The following KIR2DL4 variants were observed in gnomAD, a reference collection of about 807,000 sequenced individuals.
KIR2DL4 encodes killer cell immunoglobulin-like receptor 2DL4.
Under a neutral mutation model 31.0 loss-of-function variants are expected in KIR2DL4, and 41 were observed. The observed-to-expected ratio is 1.32, with a 90% CI of 1.03 to 1.72. The LOEUF (loss-of-function observed/expected upper bound fraction) is 1.72. Among genes scored for constraint, KIR2DL4 ranks in the 40% most tolerant of loss-of-function variants. KIR2DL4 has a pLI of 0.00. For missense variants in KIR2DL4, 438 were observed against 353.7 expected (o/e 1.24, Z -1.91); for synonymous variants, 164 against 133.6 (o/e 1.23, Z -1.57).
intron 5 of KIR2DL4, among the ~76,000 whole-genome samples, chr19:54,811,667 C>A (rs2060876322): frequency 6.6e-6 from 1 of 151,342 alleles, no homozygotes; most frequent in East Asian, 1.9e-4. Flanking sequence ...CCCAAATCCC[C>A]CACCTCACCC....
chr19:54,813,057 A>T, intron 5 of KIR2DL4: 1 of 1,240,836 alleles, frequency 8.1e-7, no homozygotes. Context: ...GCAACCAAGA[A>T]ATGAGAGACA....
intron 5 of KIR2DL4, among the ~76,000 whole-genome samples, chr19:54,809,092 G>C (rs1238799719): frequency 6.6e-6 from 1 of 151,332 alleles, no homozygotes; most frequent in Non-Finnish European, 1.5e-5. Context: ...CTGCTGCTGA[G>C]ACCTCAGGGT....
intron 5 of KIR2DL4, among the ~76,000 whole-genome samples, chr19:54,810,558 T>A (rs2060802119): frequency 6.6e-6 from 1 of 151,614 alleles, no homozygotes; most frequent in African/African-American, 2.4e-5. Flanking sequence ...GCGGAAGGAT[T>A]TTCCACACAG....
chr19:54,806,254 G>C lies in KIR2DL4; in HGVS notation c.655+10G>C. Reference sequence around the variant, plus strand: ...CCTGTTTCTGTCACAGGTGAGGAAAGCCAATGTCTGTCCCATGTCCTATGG... The same window carrying C: ...CCTGTTTCTGTCACAGGTGAGGAAACCCAATGTCTGTCCCATGTCCTATGG... On this transcript the variant is annotated intron_variant, in intron 4 of 7. Coordinates refer to ENST00000359085, the Ensembl canonical transcript of KIR2DL4. 1 of 1,607,128 alleles carries C rather than the reference G, an allele frequency of 6.2e-7. No individual in the cohort carries two copies. The highest frequency in any genetic ancestry group is 1.7e-5 in the Admixed American group (1 of 59,766).
rs983535695 is a variant in KIR2DL4, at chr19:54,805,723, C to A, written c.362-228C>A. ...CCCAGGTGAAGGACAAGTTAAAAAA[C>A]CAAACAAGAAGGTTGGCTACCCTGA... On this transcript the variant is annotated intron_variant, in intron 3 of 7. Transcript: ENST00000359085. Among the ~76,000 whole-genome samples, 3 of 151,118 alleles carry A rather than the reference C, an allele frequency of 2.0e-5. 1 individual carries two copies. Among genetic ancestry groups the A allele is most frequent in the African/African-American group, 4.9e-5 (2 of 40,852 alleles).
exon 8 of KIR2DL4, chr19:54,814,260 C>G (rs1289040967): frequency 1.1e-6 from 1 of 869,884 alleles, no homozygotes; most frequent in Non-Finnish European, 1.8e-6. Context: ...TTTCACTTGA[C>G]CCCTGCCCAC....
Position 54,813,579 on chromosome 19 carries a change from G to A in KIR2DL4, c.811-111G>A, listed in dbSNP as rs2061007832. On this transcript the variant is annotated intron_variant, in intron 6 of 7. Coordinates refer to ENST00000359085, the Ensembl canonical transcript of KIR2DL4. ...GAATGTCTGAGTCTGGCTGTTGGCA[G>A]CTGAGGGACCTCAGGCACCTATGGC... 17 of 1,110,150 alleles carry A rather than the reference G, an allele frequency of 1.5e-5. 1 individual carries two copies. The highest frequency in any genetic ancestry group is 5.3e-5 in the South Asian group (4 of 75,696). The allele number at this position is 1,110,150 out of a possible 1,614,324, so 68.8% of individuals were successfully genotyped here.
chr19:54,806,104 C>A, exon 4 of KIR2DL4: 1 of 1,612,132 alleles, frequency 6.2e-7, no homozygotes, highest in Non-Finnish European at 8.5e-7. Context: ...CCTGCAGTGC[C>A]CAGCATCAAT....
intron 5 of KIR2DL4, among the ~76,000 whole-genome samples, chr19:54,809,782 TG>T (rs2060747393): frequency 6.6e-6 from 1 of 151,466 alleles, no homozygotes; most frequent in Non-Finnish European, 1.5e-5. Flanking sequence ...GGCATTCTAT[TG>T]GAAACACCAA....
chr19:54,810,297 TA>T (rs1226177726), intron 5 of KIR2DL4, among the ~76,000 whole-genome samples: 1 of 137,766 alleles, frequency 7.3e-6, no homozygotes, highest in African/African-American at 2.6e-5. Context: ...TTTTTTTTGG[TA>T]TTTTTTTTTA....
At chr19:54,814,022 A>T (rs1211846533) in exon 8 of KIR2DL4, 3 of 1,612,254 alleles carry the variant, frequency 1.9e-6, no homozygotes, top group Non-Finnish European at 2.5e-6. Flanking sequence ...TGAGCACCAC[A>T]GTCAGGCCTT....
intron 2 of KIR2DL4, among the ~76,000 whole-genome samples, chr19:54,804,513 T>C (rs1423160780): frequency 2.6e-5 from 4 of 151,168 alleles, no homozygotes; most frequent in Admixed American, 1.3e-4. Flanking sequence ...ACAAAGGTCA[T>C]ACCCTCCACC....
exon 8 of KIR2DL4, chr19:54,813,878 G>C (rs763530813): frequency 2.5e-6 from 4 of 1,612,286 alleles, no homozygotes; most frequent in Admixed American, 1.7e-5. Flanking sequence ...GGTGACATAC[G>C]CACAGTTGGA....
chr19:54,813,009 G>T, intron 5 of KIR2DL4: 1 of 701,246 alleles, frequency 1.4e-6, no homozygotes, highest in East Asian at 3.4e-5. Flanking sequence ...CCGCCTCGTG[G>T]GTGCTTGTCT....
chr19:54,812,583 G>A (rs1487839879), intron 5 of KIR2DL4, among the ~76,000 whole-genome samples: 1 of 149,762 alleles, frequency 6.7e-6, no homozygotes, highest in African/African-American at 2.5e-5. Flanking sequence ...TCTGCACGCT[G>A]TACTAGAAGC....
At chr19:54,806,007 G>A in exon 4 of KIR2DL4, 1 of 1,610,898 alleles carries the variant, frequency 6.2e-7, no homozygotes, top group Non-Finnish European at 8.5e-7. Context: ...TCGCGCAGGA[G>A]AGAACGTGAC....
intron 5 of KIR2DL4, among the ~76,000 whole-genome samples, chr19:54,812,560 T>A (rs1402630547): frequency 6.7e-6 from 1 of 149,742 alleles, no homozygotes. Context: ...AAGAGATGTG[T>A]TTGGCTCACT....
At chr19:54,807,119 C>T (rs1318292766) in intron 4 of KIR2DL4, among the ~76,000 whole-genome samples, 2 of 151,180 alleles carry the variant, frequency 1.3e-5, no homozygotes, top group Admixed American at 6.6e-5. Context: ...ATGAGGTCCA[C>T]CTTTTACATC....
At chr19:54,812,279 C>T (rs1335800073) in intron 5 of KIR2DL4, among the ~76,000 whole-genome samples, 2 of 151,312 alleles carry the variant, frequency 1.3e-5, no homozygotes, top group African/African-American at 4.9e-5. Flanking sequence ...GTGAGCCAGT[C>T]CCTCAAGGCT....
Sources: allele counts gnomAD v4.1 joint callset (sites outside exome capture counted in the v4.1 genomes callset), GRCh38; gene constraint gnomAD v4.1.1; transcripts MANE v1.5; gene names NCBI Gene and HGNC (gene_info 2026-07-23, HGNC 2026-07-21).